MALRD1: variants seen among roughly 807,000 people sequenced by gnomAD.
MALRD1 encodes the protein MAM and LDL-receptor class A domain-containing protein 1.
MALRD1 carries 247 observed loss-of-function variants against 242.1 expected under a neutral mutation model. That is an observed-to-expected ratio of 1.02 (90% CI 0.92 to 1.13). The LOEUF is 1.13. Ranked by LOEUF, MALRD1 falls within the 50% of genes most tolerant of loss-of-function variation. MALRD1 has a pLI of 0.00. For missense variants in MALRD1, 2,989 were observed against 2,533.1 expected (o/e 1.18, Z -3.86); for synonymous variants, 995 against 866.6 (o/e 1.15, Z -2.60).
chr10:19,055,561 C>T (rs1440570821), intron 1 of MALRD1, among the ~76,000 whole-genome samples: 1 of 152,116 alleles, frequency 6.6e-6, no homozygotes, highest in Non-Finnish European at 1.5e-5. Flanking sequence ...GTCTTTAATC[C>T]ATTTCAAGTT....
chr10:19,220,815 A>C (rs1415248688), intron 18 of MALRD1, among the ~76,000 whole-genome samples: 1 of 152,178 alleles, frequency 6.6e-6, no homozygotes, highest in Admixed American at 6.5e-5. Context: ...GAGAAGTGTT[A>C]CAAAAACCCA....
intron 29 of MALRD1, among the ~76,000 whole-genome samples, chr10:19,484,806 G>T (rs540958571): frequency 6.6e-6 from 1 of 152,278 alleles, no homozygotes; most frequent in East Asian, 1.9e-4. Context: ...ATTTGATCCA[G>T]CAATCCCATT....
At chr10:19,544,149 T>A (rs1488025778) in intron 32 of MALRD1, among the ~76,000 whole-genome samples, 3 of 152,054 alleles carry the variant, frequency 2.0e-5, no homozygotes, top group Admixed American at 1.3e-4. Context: ...TATTTTTTAT[T>A]TTTCCCCTCT....
chr10:19,613,999 G>C (rs1431546620), intron 35 of MALRD1, among the ~76,000 whole-genome samples: 1 of 151,900 alleles, frequency 6.6e-6, no homozygotes, highest in Non-Finnish European at 1.5e-5. Flanking sequence ...CATCCCAATA[G>C]AGTAATTTCA....
chr10:19,160,666 C>G (rs1168972619), intron 12 of MALRD1, among the ~76,000 whole-genome samples: 2 of 40,478 alleles, frequency 4.9e-5, no homozygotes, highest in African/African-American at 2.0e-4. Flanking sequence ...TTCAGAGATT[C>G]AACTTCTTCC....
chr10:19,543,120 C>G (rs1167421220), intron 32 of MALRD1, among the ~76,000 whole-genome samples: 1 of 152,152 alleles, frequency 6.6e-6, no homozygotes, highest in Non-Finnish European at 1.5e-5. Context: ...TAAACTGAGA[C>G]AGCAATCACA....
intron 5 of MALRD1, among the ~76,000 whole-genome samples, chr10:19,104,361 A>T (rs1836388328): frequency 1.3e-5 from 2 of 152,088 alleles, no homozygotes; most frequent in African/African-American, 2.4e-5. Flanking sequence ...TAACAAGAGA[A>T]CTCTGTGCCT....
At chr10:19,053,388 T>G (rs1834565942) in intron 1 of MALRD1, among the ~76,000 whole-genome samples, 1 of 152,188 alleles carries the variant, frequency 6.6e-6, no homozygotes, top group African/African-American at 2.4e-5. Flanking sequence ...TTGAATCCGG[T>G]GCATGCCTTG....
intron 26 of MALRD1, among the ~76,000 whole-genome samples, chr10:19,373,597 A>G (rs1845481685): frequency 6.6e-6 from 1 of 152,144 alleles, no homozygotes; most frequent in African/African-American, 2.4e-5. Flanking sequence ...GAAGAAAAAA[A>G]TGACAACATA....
At chr10:19,159,863 T>C (rs922756053) in intron 12 of MALRD1, among the ~76,000 whole-genome samples, 10 of 152,048 alleles carry the variant, frequency 6.6e-5, no homozygotes, top group Admixed American at 5.2e-4. Flanking sequence ...TTTCCTTTGG[T>C]AGTAAAATAT....
At chr10:19,292,519 C>T (rs1420941320) in intron 21 of MALRD1, among the ~76,000 whole-genome samples, 1 of 152,056 alleles carries the variant, frequency 6.6e-6, no homozygotes, top group African/African-American at 2.4e-5. Context: ...GTTATGGTCC[C>T]CACTGCTGCT....
chr10:19,401,119 C>T (rs1167191633), intron 28 of MALRD1, among the ~76,000 whole-genome samples: 2 of 151,868 alleles, frequency 1.3e-5, no homozygotes, highest in Non-Finnish European at 2.9e-5. Flanking sequence ...TTGAGTGGCC[C>T]CTGAATTCAC....
At chr10:19,550,788 G>GTGC (rs1835439716) in intron 32 of MALRD1, among the ~76,000 whole-genome samples, 1 of 152,056 alleles carries the variant, frequency 6.6e-6, no homozygotes, top group Admixed American at 6.6e-5. Context: ...ACCATTAATA[G>GTGC]TGCTGCAATG....
intron 1 of MALRD1, among the ~76,000 whole-genome samples, chr10:19,056,915 A>G (rs1038893657): frequency 2.0e-5 from 3 of 152,020 alleles, no homozygotes; most frequent in African/African-American, 7.3e-5. Context: ...CTTTCTCCGA[A>G]TCTATTGAGA....
chr10:19,050,071 A>AACATATG (rs1302116686), intron 1 of MALRD1, among the ~76,000 whole-genome samples: 1 of 150,640 alleles, frequency 6.6e-6, no homozygotes, highest in Admixed American at 6.7e-5. Context: ...ACTTAACTCA[A>AACATATG]ACATATGTCT....
intron 28 of MALRD1, among the ~76,000 whole-genome samples, chr10:19,404,638 A>G (rs542143154): frequency 6.6e-6 from 1 of 152,260 alleles, no homozygotes; most frequent in Non-Finnish European, 1.5e-5. Flanking sequence ...TGACATATCC[A>G]TAATAGAGTC....
chr10:19,353,448 A>G (rs1023521740), intron 26 of MALRD1, among the ~76,000 whole-genome samples: 7 of 152,226 alleles, frequency 4.6e-5, no homozygotes, highest in African/African-American at 1.7e-4. Context: ...GGCTTATAAC[A>G]TAGTAGGTGG....
intron 4 of MALRD1, among the ~76,000 whole-genome samples, chr10:19,094,603 T>G (rs935342498): frequency 2.0e-5 from 3 of 152,092 alleles, no homozygotes; most frequent in African/African-American, 7.2e-5. Context: ...TATTTGGCCA[T>G]CTTGGCTCCT....
chr10:19,692,362 G>C lies in MALRD1; in HGVS notation c.6217+1G>C. ...ACAGACTTCACATACGCTCAGAATA[G>C]TAGGTGACATTATGACTAAATAAAT... On this transcript the variant is annotated splice_donor_variant, in intron 37 of 39. Transcript: ENST00000454679. LOFTEE classifies it high-confidence loss of function. 1.3e-6 allele frequency: 2 copies of C among 1,534,892 alleles called. No homozygotes were observed. The highest frequency in any genetic ancestry group is 1.7e-6 in the Non-Finnish European group (2 of 1,146,090).
Sources: gnomAD v4.1 joint callset for allele counts (sites outside exome capture counted in the v4.1 genomes callset) on GRCh38, gnomAD v4.1.1 for gene constraint, MANE v1.5 for transcripts, NCBI Gene and HGNC (gene_info 2026-07-23, HGNC 2026-07-21) for gene names.